FAT3: variants seen among roughly 807,000 people sequenced by gnomAD.
The protein encoded by FAT3 is protocadherin Fat 3.
Under a neutral mutation model 310.2 loss-of-function variants are expected in FAT3, and 95 were observed. That is an observed-to-expected ratio of 0.31 (90% confidence interval 0.26 to 0.36). The LOEUF (loss-of-function observed/expected upper bound fraction) is 0.36. Ranked by LOEUF, FAT3 falls within the 10% of genes least tolerant of loss-of-function variation. The pLI is 1.00. For synonymous variants in FAT3, 2,314 were observed against 2,192.9 expected, an observed-to-expected ratio of 1.06 and a Z score of -1.54; for missense variants, 5,408 against 5,715.6, an observed-to-expected ratio of 0.95 and a Z score of 1.74.
chr11:92,229,787 T>C (rs914782995), intron 1 of FAT3, among the ~76,000 whole-genome samples: 16 of 149,016 alleles, frequency 1.1e-4, no homozygotes, highest in African/African-American at 3.7e-4. Context: ...AGGACTTAGA[T>C]TTTTTTTCTT....
chr11:92,290,875 C>G (rs1031294309), intron 1 of FAT3, among the ~76,000 whole-genome samples: 2 of 152,058 alleles, frequency 1.3e-5, no homozygotes, highest in African/African-American at 4.8e-5. Context: ...ACACCAGCCA[C>G]TTGTAGCACC....
At chr11:92,550,493 T>C (rs1442807613) in intron 3 of FAT3, among the ~76,000 whole-genome samples, 1 of 152,236 alleles carries the variant, frequency 6.6e-6, no homozygotes, top group Non-Finnish European at 1.5e-5. Context: ...ATTCTAAAAC[T>C]GCTGTCTTGT....
At chr11:92,443,349 G>T (rs930468003) in intron 2 of FAT3, among the ~76,000 whole-genome samples, 1 of 152,128 alleles carries the variant, frequency 6.6e-6, no homozygotes, top group Non-Finnish European at 1.5e-5. Context: ...TCAAATCCTT[G>T]CAGAACTACT....
intron 1 of FAT3, among the ~76,000 whole-genome samples, chr11:92,280,014 G>A (rs1946381742): frequency 6.6e-6 from 1 of 151,962 alleles, no homozygotes; most frequent in African/African-American, 2.4e-5. Context: ...AAGCAAATGT[G>A]TTTTCTAGTA....
rs573446835 is a variant in FAT3 at position 92,233,933 on chromosome 11, A to G, written c.-18+8759A>G. Among the ~76,000 whole-genome samples, 166 of 152,306 alleles carry G rather than the reference A, an allele frequency of 1.1e-3. 2 individuals carry two copies. The highest frequency in any genetic ancestry group is 7.5e-3 in the South Asian group (36 of 4,828). On this transcript the variant is annotated intron_variant, in intron 1 of 27. Transcript: ENST00000525166. ...TTTACATTCTGCATATTTTTGTTAAATAGGTAGTATTAATAACATATTTTA... is the reference window on the plus strand; with the variant it reads ...TTTACATTCTGCATATTTTTGTTAAGTAGGTAGTATTAATAACATATTTTA...
At chr11:92,463,698 T>A (rs1011461449) in intron 2 of FAT3, among the ~76,000 whole-genome samples, 1 of 152,290 alleles carries the variant, frequency 6.6e-6, no homozygotes, top group Non-Finnish European at 1.5e-5. Context: ...TTGGAATCTG[T>A]ATTTCTAACA....
At chr11:92,260,464 G>A (rs2134304209) in intron 1 of FAT3, among the ~76,000 whole-genome samples, 1 of 152,104 alleles carries the variant, frequency 6.6e-6, no homozygotes, top group South Asian at 2.1e-4. Context: ...AATAATAGCT[G>A]GACTTACATC....
chr11:92,253,774 G>A (rs989655552), intron 1 of FAT3, among the ~76,000 whole-genome samples: 8 of 152,050 alleles, frequency 5.3e-5, no homozygotes, highest in Admixed American at 2.0e-4. Context: ...TTTTTAAGAG[G>A]TGAGTTTTAA....
chr11:92,462,466 T>C (rs1951661160), intron 2 of FAT3, among the ~76,000 whole-genome samples: 1 of 152,174 alleles, frequency 6.6e-6, no homozygotes, highest in Non-Finnish European at 1.5e-5. Context: ...GATAATGGCC[T>C]CCAGCAAGCT....
Position 92,354,975 on chromosome 11 carries a change from A to G in FAT3, c.2863A>G (p.Ile955Val), listed in dbSNP as rs1948691265. The change falls in exon 2 of 28, where the codon ATT becomes GTT. Residue 955 changes from isoleucine (I) to valine (V), a missense_variant. Physicochemically the swap from Ile to Val is conservative, Grantham distance 29 (BLOSUM62 3). Transcript: ENST00000525166. The stretch of plus-strand genomic sequence containing the variant: ...TGAAGATCTCCCTGTTGGCACTGTC[A>G]TTGCTTGGCTTGAGACCCATGATCC... ...VLEDLPVGTV[I>V]AWLETHDPDL... is the part of the protein sequence containing the mutation. 1.9e-6 allele frequency: 3 copies of G among 1,613,834 alleles called. No individual in the cohort carries two copies. Among genetic ancestry groups the G allele is most frequent in the Non-Finnish European group, 2.5e-6 (3 of 1,179,842 alleles).
intron 3 of FAT3, among the ~76,000 whole-genome samples, chr11:92,614,185 A>C (rs1319613744): frequency 2.0e-5 from 3 of 152,144 alleles, no homozygotes; most frequent in African/African-American, 7.2e-5. Context: ...TTTTTTGGCT[A>C]TGATAAATAA....
At chr11:92,845,017 CAAAGGGAGTATCCT>C (rs999174213) in intron 19 of FAT3, among the ~76,000 whole-genome samples, 127 of 152,278 alleles carry the variant, frequency 8.3e-4, no homozygotes, top group African/African-American at 2.9e-3. Flanking sequence ...GGGATTTCCC[CAAAGGGAGTATCCT>C]CTAGGTAGAG....
At chr11:92,830,010 G>A (rs1948201353) in intron 13 of FAT3, among the ~76,000 whole-genome samples, 1 of 151,996 alleles carries the variant, frequency 6.6e-6, no homozygotes, top group Admixed American at 6.6e-5. Flanking sequence ...AAAAAAAAAT[G>A]TCTAAGCCCT....
intron 1 of FAT3, among the ~76,000 whole-genome samples, chr11:92,232,993 G>A (rs1248098430): frequency 1.3e-5 from 2 of 152,108 alleles, no homozygotes; most frequent in Admixed American, 6.5e-5. Flanking sequence ...ATTCCTGACT[G>A]TTGGGCTGAA....
chr11:92,304,688 C>A (rs888622787), intron 1 of FAT3, among the ~76,000 whole-genome samples: 2 of 152,044 alleles, frequency 1.3e-5, no homozygotes, highest in African/African-American at 4.8e-5. Context: ...GTTAAGAGGA[C>A]AACTTACACC....
At chr11:92,277,506 C>T (rs1946303971) in intron 1 of FAT3, among the ~76,000 whole-genome samples, 1 of 152,098 alleles carries the variant, frequency 6.6e-6, no homozygotes, top group South Asian at 2.1e-4. Context: ...GCATACACAC[C>T]TTGGAAAACT....
At chr11:92,758,898 C>T (rs1344068312) in intron 4 of FAT3, among the ~76,000 whole-genome samples, 1 of 151,850 alleles carries the variant, frequency 6.6e-6, no homozygotes, top group African/African-American at 2.4e-5. Flanking sequence ...GATAGGGGTG[C>T]CATTTATTAA....
chr11:92,412,402 A>ATT (rs780298367), intron 2 of FAT3, among the ~76,000 whole-genome samples: 3,396 of 101,110 alleles, frequency 0.034, 199 homozygotes, highest in African/African-American at 0.099. Context: ...GACCCGGCCT[A>ATT]TTTTTTTTTT....
At chr11:92,837,887 A>G in intron 17 of FAT3, 81 bp downstream of exon 17, 10 of 1,533,958 alleles carry the variant, frequency 6.5e-6, no homozygotes, top group Non-Finnish European at 9.0e-6. Flanking sequence ...ATTGTGGTTT[A>G]TTGCTACTAT....
Sources: allele counts gnomAD v4.1 joint callset (sites outside exome capture counted in the v4.1 genomes callset), GRCh38; gene constraint gnomAD v4.1.1; transcripts MANE v1.5; gene names NCBI Gene and HGNC (gene_info 2026-07-23, HGNC 2026-07-21).